Variants in VPS26C observed in about 807,000 individuals in gnomAD.
VPS26C encodes the protein VPS26 endosomal protein sorting factor C.
A neutral mutation model predicts 30.6 loss-of-function variants in VPS26C; 19 were observed. That is an observed-to-expected ratio of 0.62 (90% CI 0.43 to 0.91). The LOEUF is 0.91. VPS26C is among the 40% of genes least tolerant of loss of function. The pLI, the probability that VPS26C is intolerant of heterozygous loss-of-function variation, is 0.00. For synonymous variants in VPS26C, 132 were observed against 151.5 expected (o/e 0.87, Z 0.95); for missense variants, 318 against 385.1 (o/e 0.83, Z 1.46).
rs565603577 is a variant in VPS26C, at chr21:37,257,108, G to A, written c.57+10130C>T. Among the ~76,000 whole-genome samples, 74 of 152,174 alleles carry A rather than the reference G, an allele frequency of 4.9e-4. No homozygotes were observed. The highest frequency in any genetic ancestry group is 1.7e-3 in the African/African-American group (71 of 41,498). ...GACTGTACCACTGCACTCCAGCCTG[G>A]GTGACAGAGTGAGGCTCTGTCTCAA... On this transcript the variant is annotated intron_variant, in intron 1 of 7. Coordinates refer to ENST00000309117, the MANE Select transcript of VPS26C (RefSeq NM_006052.2). The surrounding 1 kb of genome is among the most constrained non-coding windows in gnomAD (Gnocchi z 4.2).
At chr21:37,262,024 G>GCT (rs2086309826) in intron 1 of VPS26C, 1 of 151,802 alleles carries the variant, frequency 6.6e-6, no homozygotes, top group Non-Finnish European at 1.5e-5. Context: ...TAAAAAGGAG[G>GCT]CTACAATTCA....
chr21:37,228,564 ACT>A (rs1469115145), intron 5 of VPS26C, 191 bp from the exon 6 acceptor site: 3 of 582,578 alleles, frequency 5.1e-6, no homozygotes, highest in South Asian at 2.0e-5. Context: ...TTATTCAACG[ACT>A]CTCTACATAT....
chr21:37,258,624 G>C (rs1046334973), intron 1 of VPS26C, among the ~76,000 whole-genome samples: 2 of 152,194 alleles, frequency 1.3e-5, no homozygotes, highest in African/African-American at 4.8e-5. Context: ...GGCATGGCTG[G>C]CGACACGGAG....
chr21:37,229,150 C>T (rs2085935812), intron 5 of VPS26C: 1 of 152,162 alleles, frequency 6.6e-6, no homozygotes, highest in Non-Finnish European at 1.5e-5. Context: ...CAAACCTTTA[C>T]TCTGCACACC....
intron 1 of VPS26C, among the ~76,000 whole-genome samples, chr21:37,266,268 G>A (rs2086360368): frequency 6.6e-6 from 1 of 152,242 alleles, no homozygotes; most frequent in South Asian, 2.1e-4. Flanking sequence ...TTGAGCTTGT[G>A]TAAATAAGAG....
intron 3 of VPS26C, among the ~76,000 whole-genome samples, chr21:37,235,116 C>T (rs922637941): frequency 3.6e-4 from 54 of 152,040 alleles, no homozygotes; most frequent in Middle Eastern, 3.2e-3. Flanking sequence ...AAGCAATTCT[C>T]CTGCCTCAGC....
chr21:37,252,829 A>G (rs1233013993), intron 1 of VPS26C, among the ~76,000 whole-genome samples: 1 of 152,250 alleles, frequency 6.6e-6, no homozygotes, highest in Admixed American at 6.5e-5. Context: ...TTCAAAGGCT[A>G]CAAAGCACAT....
intron 2 of VPS26C, 92 bp from the exon 3 acceptor site, chr21:37,238,701 C>A (rs1878839722): frequency 2.0e-6 from 3 of 1,478,596 alleles, no homozygotes; most frequent in Non-Finnish European, 2.8e-6. Flanking sequence ...AGCACCCCGA[C>A]CCCCTGGAGG....
At chr21:37,228,816 G>A in intron 5 of VPS26C, 3 of 159,016 alleles carry the variant, frequency 1.9e-5, no homozygotes, top group Non-Finnish European at 4.1e-5. Context: ...AGGATCACTT[G>A]AGGCCAGGAG....
chr21:37,225,833 A>G (rs1569229409), intron 7 of VPS26C: 14 of 580,686 alleles, frequency 2.4e-5, no homozygotes, highest in South Asian at 6.3e-5. Flanking sequence ...ACCTCTGTCA[A>G]CTTTCTCTAA....
rs907285202 is a variant in VPS26C, at chr21:37,224,539, A to G, written c.*1005T>C. On this transcript the variant is annotated 3_prime_UTR_variant, in exon 8 of 8. Transcript: ENST00000309117. ...TTTGGAAAACTGTCTCTCTCTATGT[A>G]TGTATCTGTTCAGGGAAATGGCAGC... 2.6e-5 allele frequency: 4 copies of G among 152,224 alleles called. No individual in the cohort carries two copies. Among genetic ancestry groups the G allele is most frequent in the Admixed American group, 1.3e-4 (2 of 15,286 alleles). 9.4% of individuals were successfully genotyped at this position (152,224 alleles called of 1,614,324 possible).
At chr21:37,245,572 T>TAA (rs770230792) in intron 1 of VPS26C, among the ~76,000 whole-genome samples, 6 of 152,176 alleles carry the variant, frequency 3.9e-5, no homozygotes, top group Non-Finnish European at 1.5e-5. Context: ...CTGTGACACT[T>TAA]ACACCTTCCA....
At chr21:37,267,478 T>G, upstream of VPS26C, 1 of 602,960 alleles carries the variant, frequency 1.7e-6, no homozygotes, top group East Asian at 2.9e-5. Context: ...GCCTTCCTCC[T>G]TCCGGCACAA....
Position 37,243,331 on chromosome 21 carries a change from CGTATACA to C in VPS26C, c.58-2699_58-2693del, listed in dbSNP as rs768360211. The stretch of plus-strand genomic sequence containing the variant: ...TCACAGACTGGCAACGAACCCAGAA[CGTATACA>C]CCGAAATCGTGTGCAGGGTGCTACT... On this transcript the variant is annotated intron_variant, in intron 1 of 7. Transcript: ENST00000309117. 4.9e-4 allele frequency among the ~76,000 whole-genome samples: 74 copies of C among 152,252 alleles called. 1 individual carries two copies. Among genetic ancestry groups the C allele is most frequent in the Middle Eastern group, 3.4e-3 (1 of 294 alleles).
rs962688282 is a variant in VPS26C at position 37,236,319 on chromosome 21, A to G, written c.351+2141T>C. 1.3e-5 allele frequency among the ~76,000 whole-genome samples: 2 copies of G among 152,188 alleles called. 1 individual carries two copies. Among genetic ancestry groups the G allele is most frequent in the South Asian group, 4.1e-4 (2 of 4,836 alleles). On this transcript the variant is annotated intron_variant, in intron 3 of 7. Coordinates refer to ENST00000309117, the MANE Select transcript of VPS26C (RefSeq NM_006052.2). ...TCTGGGCGGCACTTGCTCTACTATA[A>G]AACTGTAAGAAAAAGACCTGCCAAA...
intron 3 of VPS26C, among the ~76,000 whole-genome samples, chr21:37,234,930 C>A (rs1012028853): frequency 6.6e-6 from 1 of 151,950 alleles, no homozygotes; most frequent in African/African-American, 2.4e-5. Context: ...GCAACCTCCA[C>A]CTCCTGGTTT....
chr21:37,257,978 T>C lies in VPS26C; in HGVS notation c.57+9260A>G, dbSNP rs984675096. On this transcript the variant is annotated intron_variant, in intron 1 of 7. Transcript: ENST00000309117. The surrounding 1 kb of genome is among the most constrained non-coding windows in gnomAD (Gnocchi z 4.2). ...CCACCAGCCTGCGCTGCGCTGCACA[T>C]GGTACCCGCGGCCCCAGCTGGCCAG... Among the ~76,000 whole-genome samples, 5 of 148,572 alleles carry C rather than the reference T, an allele frequency of 3.4e-5. No individual in the cohort carries two copies. Among genetic ancestry groups the C allele is most frequent in the Admixed American group, 3.3e-4 (5 of 15,198 alleles).
In VPS26C at chr21:37,266,985, C is replaced by T. The variant is rs563549175; in HGVS notation, c.57+253G>A. 893 of 549,708 alleles carry T rather than the reference C, an allele frequency of 1.6e-3. 14 individuals are homozygous for T. The East Asian group carries it at 0.029, about 18-fold the overall frequency. 34.1% of individuals were successfully genotyped at this position (549,708 alleles called of 1,614,324 possible). Reference sequence around the variant, plus strand: ...GGAAGAGCGCAGCCCCGGAGCTGGGCGCCTGCCCTGCACGTCCCGCAGATG... The same window carrying T: ...GGAAGAGCGCAGCCCCGGAGCTGGGTGCCTGCCCTGCACGTCCCGCAGATG... On this transcript the variant is annotated intron_variant, in intron 1 of 7. Coordinates refer to ENST00000309117, the MANE Select transcript of VPS26C (RefSeq NM_006052.2).
intron 1 of VPS26C, among the ~76,000 whole-genome samples, chr21:37,259,985 C>T (rs559409284): frequency 6.6e-6 from 1 of 152,196 alleles, no homozygotes; most frequent in Non-Finnish European, 1.5e-5. Flanking sequence ...TCTTAAAACA[C>T]TATCTCATTT....
Sources: allele counts gnomAD v4.1 joint callset (sites outside exome capture counted in the v4.1 genomes callset), GRCh38; gene constraint gnomAD v4.1.1; non-coding constraint Gnocchi (gnomAD v3.1); transcripts MANE v1.5; gene names NCBI Gene and HGNC (gene_info 2026-07-23, HGNC 2026-07-21).